The following ZNF101 variants were observed in gnomAD, a reference collection of about 807,000 sequenced individuals.
ZNF101 encodes zinc finger protein 101, also known as zinc finger protein 101 (Y2).
In ZNF101, 34 loss-of-function variants were observed where a neutral mutation model predicts 42.6. That is an observed-to-expected ratio of 0.80 (90% CI 0.61 to 1.06). ZNF101 has a LOEUF of 1.06. ZNF101 is among the 50% of genes least tolerant of loss of function. The probability of loss-of-function intolerance (pLI) is 0.00; values close to 1 mark genes in which losing one functional copy is unlikely to be tolerated. For synonymous variants in ZNF101, 158 were observed against 183.9 expected (o/e 0.86, Z 1.14); for missense variants, 466 against 530.9 (o/e 0.88, Z 1.20).
chr19:19,678,124 G>A lies in ZNF101; in HGVS notation c.130+134G>A, dbSNP rs141299754. On this transcript the variant is annotated intron_variant, in intron 2 of 3. Coordinates refer to ENST00000592502, the MANE Select transcript of ZNF101 (RefSeq NM_033204.4). ...GGGGCATCGTGGGCCAGGTACAGTG[G>A]CTTACCCTTGTAATCCTAGTGCTTT... 1.2e-5 allele frequency: 16 copies of A among 1,315,252 alleles called. No homozygotes were observed. The African/African-American group carries it at 2.1e-4, about 17-fold the overall frequency. The allele number at this position is 1,315,252 out of a possible 1,614,324, so 81.5% of individuals were successfully genotyped here.
At chr19:19,672,701 A>G (rs190291364) in intron 1 of ZNF101, among the ~76,000 whole-genome samples, 7 of 151,102 alleles carry the variant, frequency 4.6e-5, no homozygotes, top group African/African-American at 1.7e-4. Context: ...AATTTTTTGT[A>G]TTTTTAGTAG....
rs202048078 is a variant in ZNF101, at chr19:19,677,853, G to C, written c.4-11G>C. 1.1e-5 allele frequency: 18 copies of C among 1,609,660 alleles called. No homozygotes were observed. Among genetic ancestry groups the C allele is most frequent in the Non-Finnish European group, 1.4e-5 (16 of 1,177,230 alleles). ...TCACCCCTCCTCCTCCACACCTGTG[G>C]GATGTTTCAGGACTCAGTGGCCTTT... On this transcript the variant is annotated splice_polypyrimidine_tract_variant and intron_variant, in intron 1 of 3. Transcript: ENST00000592502.
At chr19:19,669,529 T>C (rs2062156058) in intron 1 of ZNF101, among the ~76,000 whole-genome samples, 4 of 152,216 alleles carry the variant, frequency 2.6e-5, no homozygotes, top group Admixed American at 2.0e-4. Flanking sequence ...AGTCTCACTC[T>C]GTCGCCCAGG....
Position 19,668,872 on chromosome 19 carries a change from C to A in ZNF101, c.-92C>A, listed in dbSNP as rs937515984. The A allele has an allele frequency of 1.4e-6, 2 of 1,464,870 alleles. No homozygotes were observed. The highest frequency in any genetic ancestry group is 1.4e-5 in the African/African-American group (1 of 69,932). 90.7% of individuals were successfully genotyped at this position (1,464,870 alleles called of 1,614,324 possible). A position where few individuals can be genotyped will look rare whatever the true frequency, so the allele number is the denominator to read the frequency against. ...CCGGGTTTTAGTTCCTCGGGGAGCC[C>A]CTGGTGCCCCGGATACGGCTGATTT... On this transcript the variant is annotated 5_prime_UTR_variant, in exon 1 of 4. Transcript: ENST00000592502.
intron 1 of ZNF101, among the ~76,000 whole-genome samples, chr19:19,674,513 C>T (rs1041517888): frequency 2.6e-5 from 4 of 152,130 alleles, no homozygotes; most frequent in African/African-American, 4.8e-5. Flanking sequence ...TTGCATTTTG[C>T]GGATAAATCT....
At chr19:19,677,639 C>T (rs2062210070) in intron 1 of ZNF101, 1 of 550,680 alleles carries the variant, frequency 1.8e-6, no homozygotes, top group Non-Finnish European at 2.9e-6. Flanking sequence ...CCTGGACCCA[C>T]CACAGAGAGG....
chr19:19,682,114 G>A lies in ZNF101; in HGVS notation c.*1814G>A, dbSNP rs946714418. ...ATTTTTTTGTATTTTTAGTAGAGACGGGGCTTCACCATGTGGTTCAGGCTG... is the reference window on the plus strand; with the variant it reads ...ATTTTTTTGTATTTTTAGTAGAGACAGGGCTTCACCATGTGGTTCAGGCTG... On this transcript the variant is annotated 3_prime_UTR_variant, in exon 4 of 4. Transcript: ENST00000592502. 1 of 151,498 alleles carries A rather than the reference G, an allele frequency of 6.6e-6. No individual in the cohort carries two copies. The highest frequency in any genetic ancestry group is 1.5e-5 in the Non-Finnish European group (1 of 67,928). The allele number at this position is 151,498 out of a possible 1,614,324, so 9.4% of individuals were successfully genotyped here. A position where few individuals can be genotyped will look rare whatever the true frequency, so the allele number is the denominator to read the frequency against.
chr19:19,669,043 C>T (rs984370263), intron 1 of ZNF101, 77 bp downstream of exon 1: 3 of 1,523,346 alleles, frequency 2.0e-6, no homozygotes, highest in Non-Finnish European at 1.8e-6. Flanking sequence ...CCTGGGCCTC[C>T]CCGCGGCGAC....
chr19:19,674,546 C>G (rs1177800296), intron 1 of ZNF101, among the ~76,000 whole-genome samples: 2 of 152,144 alleles, frequency 1.3e-5, no homozygotes, highest in African/African-American at 2.4e-5. Flanking sequence ...TCATATAATC[C>G]TTTAAATATG....
In ZNF101 at chr19:19,682,413, GT is replaced by G. The variant is rs1411373127; in HGVS notation, c.*2118del. The G allele has an allele frequency of 6.6e-6, 1 of 152,062 alleles. No homozygotes were observed. The highest frequency in any genetic ancestry group is 1.5e-5 in the Non-Finnish European group (1 of 68,054). 9.4% of individuals were successfully genotyped at this position (152,062 alleles called of 1,614,324 possible). ...TTTTTGGTATTTTTGTAGAAACAGG[GT>G]TTTTCCACATTGGCCAGGCTGGTCT... On this transcript the variant is annotated 3_prime_UTR_variant, in exon 4 of 4. Transcript: ENST00000592502.
intron 3 of ZNF101, 52 bp from the exon 4 acceptor site, chr19:19,679,129 A>C: frequency 6.3e-7 from 1 of 1,575,642 alleles, no homozygotes; most frequent in Non-Finnish European, 8.6e-7. Context: ...GTCAATTAGT[A>C]GAAAAGCATT....
rs761582889 is a variant in ZNF101 at position 19,679,994 on chromosome 19, A to C, written c.1005A>C (p.Glu335Asp). The change falls in exon 4 of 4, where the codon GAA becomes GAC. Residue 335 changes from glutamate (E) to aspartate (D), a missense_variant. Coordinates refer to ENST00000592502, the MANE Select transcript of ZNF101 (RefSeq NM_033204.4). ...CACATGAAAGAGCTCACACTGGAGAAAGACCTTATGAATGTAATAAATGTG... is the reference window on the plus strand; with the variant it reads ...CACATGAAAGAGCTCACACTGGAGACAGACCTTATGAATGTAATAAATGTG... ...LQAHERAHTGERPYECNKCGK... is the reference protein window; with the variant it reads ...LQAHERAHTGDRPYECNKCGK... 2 of 1,613,940 alleles carry C rather than the reference A, an allele frequency of 1.2e-6. No individual in the cohort carries two copies. Among genetic ancestry groups the C allele is most frequent in the Non-Finnish European group, 1.7e-6 (2 of 1,180,006 alleles).
chr19:19,670,743 CCT>C (rs1372296287), intron 1 of ZNF101, among the ~76,000 whole-genome samples: 2 of 151,094 alleles, frequency 1.3e-5, no homozygotes, highest in East Asian at 2.0e-4. Flanking sequence ...AGAGTGAGAC[CCT>C]GTCTTTAAAA....
chr19:19,677,708 CGAGG>C, intron 1 of ZNF101, 152 bp from the exon 2 acceptor site: 2 of 1,134,872 alleles, frequency 1.8e-6, no homozygotes, highest in Non-Finnish European at 2.3e-6. Context: ...GGAACTGCTG[CGAGG>C]GAGGAAGTGC....
intron 1 of ZNF101, among the ~76,000 whole-genome samples, chr19:19,673,248 CTTTTTTTT>C (rs34694853): frequency 1.7e-5 from 2 of 116,138 alleles, no homozygotes; most frequent in Non-Finnish European, 3.5e-5. Flanking sequence ...AATGTGCTGG[CTTTTTTTT>C]TTTTTTTTTT....
chr19:19,680,027 C>G lies in ZNF101; in HGVS notation c.1038C>G (p.Thr346=), dbSNP rs1204530601. 2 of 1,613,840 alleles carry G rather than the reference C, an allele frequency of 1.2e-6. No individual in the cohort carries two copies. Among genetic ancestry groups the G allele is most frequent in the African/African-American group, 2.7e-5 (2 of 74,892 alleles). ...ATGAATGTAATAAATGTGGTAAAAC[C>G]TTCAATTATCCCAGTTGTTTTCGAA... ...RPYECNKCGK[T]FNYPSCFRRH... Residue 346 remains threonine, a synonymous_variant, in exon 4 of 4, where the codon ACC becomes ACG. Coordinates refer to ENST00000592502, the MANE Select transcript of ZNF101 (RefSeq NM_033204.4).
Position 19,679,628 on chromosome 19 carries a change from A to G in ZNF101, c.639A>G (p.Arg213=), listed in dbSNP as rs745805175. 194 of 1,612,838 alleles carry G rather than the reference A, an allele frequency of 1.2e-4. No homozygotes were observed. Among genetic ancestry groups the G allele is most frequent in the Non-Finnish European group, 1.6e-4 (186 of 1,179,360 alleles). ...VRAFTVSSFF[R]KHGKMHTGEK... ...CCTTCACAGTTTCCAGTTTCTTTCG[A>G]AAACATGGAAAAATGCATACTGGAG... Residue 213 remains arginine, a synonymous_variant, in exon 4 of 4, where the codon CGA becomes CGG. Coordinates refer to ENST00000592502, the MANE Select transcript of ZNF101 (RefSeq NM_033204.4).
At chr19:19,678,248 G>T (rs942547177) in intron 2 of ZNF101, among the ~76,000 whole-genome samples, 1 of 151,450 alleles carries the variant, frequency 6.6e-6, no homozygotes, top group East Asian at 1.9e-4. Flanking sequence ...AAAAAAAAGT[G>T]GGGGGTGGGC....
chr19:19,672,822 T>A (rs1171139879), intron 1 of ZNF101, among the ~76,000 whole-genome samples: 2 of 152,174 alleles, frequency 1.3e-5, no homozygotes, highest in East Asian at 3.8e-4. Flanking sequence ...CCACTGTGAC[T>A]GGCTGGTATT....
Sources: gnomAD v4.1 joint callset for allele counts (sites outside exome capture counted in the v4.1 genomes callset) on GRCh38, gnomAD v4.1.1 for gene constraint, MANE v1.5 for transcripts, NCBI Gene and HGNC (gene_info 2026-07-23, HGNC 2026-07-21) for gene names.